The following MYRIP variants were observed in gnomAD, a reference collection of about 807,000 sequenced individuals.
MYRIP encodes myosin VIIA and Rab interacting protein.
In MYRIP, 49 loss-of-function variants were observed where a neutral mutation model predicts 98.0. The observed-to-expected ratio is 0.50, with a 90% CI of 0.40 to 0.63. The LOEUF is 0.63. MYRIP is among the 30% of genes least tolerant of loss of function. The pLI is 0.00. For missense variants in MYRIP, 1,004 were observed against 1,058.2 expected, an observed-to-expected ratio of 0.95 and a Z score of 0.71; for synonymous variants, 404 against 409.5, an observed-to-expected ratio of 0.99 and a Z score of 0.16.
At chr3:39,896,474 A>G (rs1188004875) in intron 1 of MYRIP, among the ~76,000 whole-genome samples, 1 of 152,168 alleles carries the variant, frequency 6.6e-6, no homozygotes, top group South Asian at 2.1e-4. Flanking sequence ...CACATCTCTC[A>G]TTATTAGTGT....
intron 2 of MYRIP, among the ~76,000 whole-genome samples, chr3:39,998,680 T>G (rs900006477): frequency 1.5e-4 from 23 of 152,270 alleles, no homozygotes; most frequent in African/African-American, 2.2e-4. Flanking sequence ...AAAACTACTT[T>G]AAAGTTCATA....
chr3:39,979,661 A>C (rs866038316), intron 2 of MYRIP, among the ~76,000 whole-genome samples: 130 of 151,998 alleles, frequency 8.6e-4, no homozygotes, highest in African/African-American at 2.6e-3. Context: ...AAAACAAAAA[A>C]AAAAAAACAA....
At chr3:40,240,793 A>G (rs1952985368) in intron 12 of MYRIP, among the ~76,000 whole-genome samples, 1 of 152,084 alleles carries the variant, frequency 6.6e-6, no homozygotes. Context: ...AGGTATTTTA[A>G]ATTCTTGCTG....
At chr3:39,885,730 A>G (rs541276145) in intron 1 of MYRIP, among the ~76,000 whole-genome samples, 17 of 151,510 alleles carry the variant, frequency 1.1e-4, no homozygotes, top group African/African-American at 3.6e-4. Context: ...TTCCCTTCTC[A>G]CTTCATTTGA....
intron 1 of MYRIP, among the ~76,000 whole-genome samples, chr3:39,829,356 A>G (rs1194150594): frequency 6.6e-6 from 1 of 152,202 alleles, no homozygotes; most frequent in East Asian, 1.9e-4. Context: ...GCCTCTTCCA[A>G]TTCTATGGAG....
At chr3:39,818,468 A>C (rs1940994529) in intron 1 of MYRIP, among the ~76,000 whole-genome samples, 3 of 152,050 alleles carry the variant, frequency 2.0e-5, no homozygotes, top group Admixed American at 1.3e-4. Flanking sequence ...TTATCCATGG[A>C]GGTTGTTTTT....
intron 3 of MYRIP, among the ~76,000 whole-genome samples, chr3:40,110,573 C>G (rs746317968): frequency 1.3e-5 from 2 of 152,144 alleles, no homozygotes; most frequent in African/African-American, 4.8e-5. Context: ...GAAGCCCTTG[C>G]GTACCTGGGG....
intron 1 of MYRIP, among the ~76,000 whole-genome samples, chr3:39,873,047 A>G (rs373365035): frequency 6.6e-6 from 1 of 152,150 alleles, no homozygotes; most frequent in Non-Finnish European, 1.5e-5. Context: ...GTGTGAGATG[A>G]TATCTCATTG....
In MYRIP at chr3:40,166,826, T is replaced by C. The variant is rs776916494; in HGVS notation, c.551-20T>C. On this transcript the variant is annotated intron_variant, in intron 5 of 16. Transcript: ENST00000302541. ...CATCATTCCCTTTTAGAAATGCTCT[T>C]TGTTCTGTTTCCTGTCTAGGACATA... 2 of 1,514,590 alleles carry C rather than the reference T, an allele frequency of 1.3e-6. No homozygotes were observed. Among genetic ancestry groups the C allele is most frequent in the South Asian group, 2.3e-5 (2 of 88,702 alleles). The allele number at this position is 1,514,590 out of a possible 1,614,324, so 93.8% of individuals were successfully genotyped here. A position where few individuals can be genotyped will look rare whatever the true frequency, so the allele number is the denominator to read the frequency against.
chr3:40,226,329 C>G (rs1456543009), intron 11 of MYRIP, among the ~76,000 whole-genome samples: 4 of 152,168 alleles, frequency 2.6e-5, no homozygotes, highest in Non-Finnish European at 5.9e-5. Context: ...AGCTGGAAAG[C>G]ACAGCAGCAC....
At chr3:40,060,335 C>T (rs528867969) in intron 3 of MYRIP, among the ~76,000 whole-genome samples, 1 of 152,180 alleles carries the variant, frequency 6.6e-6, no homozygotes, top group East Asian at 1.9e-4. Flanking sequence ...GTCTAAATGC[C>T]TCTTTATAAA....
chr3:39,842,587 G>T (rs575140966), intron 1 of MYRIP, among the ~76,000 whole-genome samples: 3 of 152,148 alleles, frequency 2.0e-5, no homozygotes, highest in Admixed American at 2.0e-4. Flanking sequence ...GGCCCTGGTG[G>T]TATAGGCACC....
intron 1 of MYRIP, among the ~76,000 whole-genome samples, chr3:39,885,889 T>G (rs536688283): frequency 6.6e-6 from 1 of 151,630 alleles, no homozygotes; most frequent in South Asian, 2.1e-4. Flanking sequence ...ATTCTAGTTA[T>G]ACATTCTTCT....
intron 1 of MYRIP, among the ~76,000 whole-genome samples, chr3:39,830,682 TCTC>T (rs1290858344): frequency 6.6e-5 from 10 of 152,268 alleles, no homozygotes; most frequent in South Asian, 4.1e-4. Context: ...GTAATTTTCT[TCTC>T]CTCTGAATTT....
rs375661743 is a variant in MYRIP, at chr3:40,144,576, G to A, written c.333-6472G>A. On this transcript the variant is annotated intron_variant, in intron 3 of 16. Transcript: ENST00000302541. ...GGTGACCAGCTGCTCAGAGAGCAGG[G>A]CAGTGTGTGGAAGGAGGAGCCTGGA... Among the ~76,000 whole-genome samples, 40 of 152,370 alleles carry A rather than the reference G, an allele frequency of 2.6e-4. 1 individual carries two copies. The South Asian group carries it at 8.3e-3, about 32-fold the overall frequency.
chr3:39,920,896 C>T (rs1367167080), intron 2 of MYRIP, among the ~76,000 whole-genome samples: 1 of 152,190 alleles, frequency 6.6e-6, no homozygotes, highest in Non-Finnish European at 1.5e-5. Context: ...ATACCAGCCT[C>T]TTCACTTTTA....
chr3:40,222,602 C>A (rs1952369552), intron 11 of MYRIP, among the ~76,000 whole-genome samples: 1 of 135,248 alleles, frequency 7.4e-6, no homozygotes, highest in East Asian at 2.5e-4. Flanking sequence ...CTGAGGCAAA[C>A]GTGTCTTCTG....
chr3:39,959,005 A>G (rs1180202307), intron 2 of MYRIP, among the ~76,000 whole-genome samples: 2 of 152,154 alleles, frequency 1.3e-5, no homozygotes, highest in Non-Finnish European at 2.9e-5. Flanking sequence ...TAGAATGGCA[A>G]TCATTAAAAA....
intron 2 of MYRIP, among the ~76,000 whole-genome samples, chr3:39,911,531 T>C (rs1219323252): frequency 6.6e-6 from 1 of 152,248 alleles, no homozygotes; most frequent in Admixed American, 6.5e-5. Context: ...ATTCTTGGCC[T>C]GACCTTCATT....
Sources: allele counts gnomAD v4.1 joint callset (sites outside exome capture counted in the v4.1 genomes callset), GRCh38; gene constraint gnomAD v4.1.1; transcripts MANE v1.5; gene names NCBI Gene and HGNC (gene_info 2026-07-23, HGNC 2026-07-21).